The following PPP1R12A variants were observed in gnomAD, a reference collection of about 807,000 sequenced individuals.
PPP1R12A encodes the protein protein phosphatase 1 regulatory subunit 12A, also known as myosin binding subunit.
In PPP1R12A, 19 loss-of-function variants were observed where a neutral mutation model predicts 139.6. The ratio of observed to expected loss-of-function variants is 0.14; its 90% confidence interval spans 0.09 to 0.20. PPP1R12A has a LOEUF of 0.20. PPP1R12A is among the 10% of genes least tolerant of loss of function. The probability of loss-of-function intolerance (pLI) is 1.00; values close to 1 mark genes in which losing one functional copy is unlikely to be tolerated. For missense variants in PPP1R12A, 925 were observed against 1,211.5 expected, an observed-to-expected ratio of 0.76 and a Z score of 3.51; for synonymous variants, 427 against 420.6, an observed-to-expected ratio of 1.02 and a Z score of -0.19.
intron 9 of PPP1R12A, among the ~76,000 whole-genome samples, chr12:79,817,110 T>C (rs1346914654): frequency 1.3e-5 from 2 of 152,110 alleles, no homozygotes; most frequent in Non-Finnish European, 2.9e-5. Flanking sequence ...GATTTTAATA[T>C]TACAAAAATT....
intron 1 of PPP1R12A, among the ~76,000 whole-genome samples, chr12:79,880,849 A>C (rs1027736315): frequency 6.6e-6 from 1 of 152,108 alleles, no homozygotes; most frequent in Admixed American, 6.5e-5. Flanking sequence ...TATTGGTGCC[A>C]CTTTTCTAAA....
At chr12:79,870,313 G>C (rs1267105507) in intron 2 of PPP1R12A, among the ~76,000 whole-genome samples, 1 of 151,946 alleles carries the variant, frequency 6.6e-6, no homozygotes, top group Admixed American at 6.6e-5. Flanking sequence ...ATGGGGTTTT[G>C]TCATGTTGCC....
chr12:79,807,936 C>G (rs1448172934), intron 11 of PPP1R12A, among the ~76,000 whole-genome samples: 2 of 151,740 alleles, frequency 1.3e-5, no homozygotes, highest in East Asian at 3.9e-4. Context: ...ACTTGAGAGG[C>G]TGAGGCAGAG....
intron 1 of PPP1R12A, among the ~76,000 whole-genome samples, chr12:79,919,187 C>G (rs1244068650): frequency 6.6e-6 from 1 of 152,066 alleles, no homozygotes; most frequent in Non-Finnish European, 1.5e-5. Flanking sequence ...GAAATAGTTT[C>G]CCATAATCTT....
At chr12:79,796,293 G>A (rs1872506063) in intron 17 of PPP1R12A, among the ~76,000 whole-genome samples, 1 of 152,076 alleles carries the variant, frequency 6.6e-6, no homozygotes, top group South Asian at 2.1e-4. Flanking sequence ...AAATGGTAAT[G>A]AGTATCAATA....
At chr12:79,898,971 T>G (rs965362719) in intron 1 of PPP1R12A, among the ~76,000 whole-genome samples, 2 of 152,116 alleles carry the variant, frequency 1.3e-5, no homozygotes, top group Non-Finnish European at 2.9e-5. Context: ...TATAGCAAAG[T>G]TGAAAGAATT....
At chr12:79,912,993 C>G (rs1886705582) in intron 1 of PPP1R12A, among the ~76,000 whole-genome samples, 1 of 152,248 alleles carries the variant, frequency 6.6e-6, no homozygotes, top group African/African-American at 2.4e-5. Flanking sequence ...ATTCTCGTTT[C>G]TCCACATCCC....
intron 3 of PPP1R12A, among the ~76,000 whole-genome samples, chr12:79,838,687 C>G (rs1878363975): frequency 6.6e-6 from 1 of 152,212 alleles, no homozygotes; most frequent in Non-Finnish European, 1.5e-5. Flanking sequence ...AGCCCCAAGC[C>G]TTTGTGGCTT....
chr12:79,885,321 A>C (rs1884005761), intron 1 of PPP1R12A, among the ~76,000 whole-genome samples: 1 of 152,278 alleles, frequency 6.6e-6, no homozygotes, highest in Non-Finnish European at 1.5e-5. Flanking sequence ...ACAGCGCATA[A>C]AGTAGTACCT....
At chr12:79,925,728 C>A in intron 1 of PPP1R12A, among the ~76,000 whole-genome samples, 1 of 152,068 alleles carries the variant, frequency 6.6e-6, no homozygotes, top group Non-Finnish European at 1.5e-5. Flanking sequence ...TAACACAGAA[C>A]TCAAGCGTGT....
At chr12:79,816,742 A>G (rs1875440512) in intron 9 of PPP1R12A, among the ~76,000 whole-genome samples, 1 of 152,188 alleles carries the variant, frequency 6.6e-6, no homozygotes, top group Non-Finnish European at 1.5e-5. Context: ...TATCTCAACC[A>G]ATCCTTACAA....
At chr12:79,934,086 A>T (rs536249986) in intron 1 of PPP1R12A, among the ~76,000 whole-genome samples, 1 of 152,226 alleles carries the variant, frequency 6.6e-6, no homozygotes, top group South Asian at 2.1e-4. Flanking sequence ...GCCGGTGCAG[A>T]TCAGCTAATT....
chr12:79,792,657 G>A (rs935587740), intron 19 of PPP1R12A, among the ~76,000 whole-genome samples: 1 of 152,022 alleles, frequency 6.6e-6, no homozygotes, highest in African/African-American at 2.4e-5. Context: ...ACATCAATAT[G>A]CTTCAAAATT....
rs1592593408 is a variant in PPP1R12A at position 79,775,821 on chromosome 12, C to T, written c.*108G>A. ...ATAAGAGGGCATTTGGCAGGATATC[C>T]GAAAATGACAGTCTCCAAGGATTCT... On this transcript the variant is annotated 3_prime_UTR_variant, in exon 25 of 25. Coordinates refer to ENST00000450142, the MANE Select transcript of PPP1R12A (RefSeq NM_002480.3). The T allele has an allele frequency of 1.4e-5, 9 of 653,318 alleles. No individual in the cohort carries two copies. The highest frequency in any genetic ancestry group is 7.4e-5 in the South Asian group (2 of 27,118). 40.5% of individuals were successfully genotyped at this position (653,318 alleles called of 1,614,324 possible).
At chr12:79,885,064 G>C (rs997466089) in intron 1 of PPP1R12A, among the ~76,000 whole-genome samples, 4 of 152,070 alleles carry the variant, frequency 2.6e-5, no homozygotes, top group African/African-American at 9.7e-5. Flanking sequence ...GAGTAAACTT[G>C]CCATCACAAA....
chr12:79,857,906 A>G (rs1427254512), intron 2 of PPP1R12A, among the ~76,000 whole-genome samples: 1 of 152,216 alleles, frequency 6.6e-6, no homozygotes, highest in Non-Finnish European at 1.5e-5. Flanking sequence ...AACAGTGAAC[A>G]TTCCCATAAA....
intron 19 of PPP1R12A, 38 bp downstream of exon 19, chr12:79,793,823 AAT>A (rs1227929952): frequency 2.1e-6 from 3 of 1,449,410 alleles, no homozygotes; most frequent in Non-Finnish European, 2.8e-6. Context: ...ATTATTAAAA[AAT>A]ATGAATACTT....
chr12:79,880,360 C>A (rs1883519619), intron 1 of PPP1R12A, among the ~76,000 whole-genome samples: 1 of 152,136 alleles, frequency 6.6e-6, no homozygotes, highest in Non-Finnish European at 1.5e-5. Flanking sequence ...TGAGCACAGA[C>A]ACTGCTGATT....
At chr12:79,830,010 GAA>G (rs1324663211) in intron 4 of PPP1R12A, among the ~76,000 whole-genome samples, 4 of 151,792 alleles carry the variant, frequency 2.6e-5, no homozygotes, top group Non-Finnish European at 4.4e-5. Flanking sequence ...GGGAGGGAGA[GAA>G]AATGTGAAGA....
Sources: allele counts gnomAD v4.1 joint callset (sites outside exome capture counted in the v4.1 genomes callset), GRCh38; gene constraint gnomAD v4.1.1; transcripts MANE v1.5; gene names NCBI Gene and HGNC (gene_info 2026-07-23, HGNC 2026-07-21).